Variants in MAP4K4 observed in about 807,000 individuals in gnomAD.
The protein encoded by MAP4K4 is HPK/GCK-like kinase HGK.
MAP4K4 carries 38 observed loss-of-function variants against 189.6 expected under a neutral mutation model. The observed-to-expected ratio is 0.20, with a 90% CI of 0.15 to 0.26. The LOEUF (loss-of-function observed/expected upper bound fraction) is 0.26, where lower values mean the gene tolerates loss of function less well. Ranked by LOEUF, MAP4K4 falls within the 10% of genes least tolerant of loss-of-function variation. The pLI, the probability that MAP4K4 is intolerant of heterozygous loss-of-function variation, is 1.00. For missense variants in MAP4K4, 1,054 were observed against 1,726.9 expected (o/e 0.61, Z 6.91); for synonymous variants, 610 against 624.3 (o/e 0.98, Z 0.34).
chr2:101,848,372 CTATT>C (rs2097175949), intron 12 of MAP4K4, among the ~76,000 whole-genome samples: 1 of 152,040 alleles, frequency 6.6e-6, no homozygotes, highest in African/African-American at 2.4e-5. Flanking sequence ...CAGAGGCTGA[CTATT>C]TGAGCCATAA....
intron 2 of MAP4K4, among the ~76,000 whole-genome samples, chr2:101,699,011 C>T (rs1277983465): frequency 6.6e-6 from 1 of 152,082 alleles, no homozygotes; most frequent in African/African-American, 2.4e-5. Context: ...TTTGGCGTTA[C>T]CTGGGAATAC....
At chr2:101,860,708 G>A (rs780419178) in intron 15 of MAP4K4, 117 bp from the exon 16 acceptor site, 32 of 819,702 alleles carry the variant, frequency 3.9e-5, no homozygotes, top group Non-Finnish European at 5.4e-5. Context: ...TCTCTTTTCT[G>A]GTAGCAGAAG....
intron 9 of MAP4K4, among the ~76,000 whole-genome samples, chr2:101,837,533 C>T (rs1459650707): frequency 6.6e-6 from 1 of 152,194 alleles, no homozygotes; most frequent in Non-Finnish European, 1.5e-5. Context: ...ATTTTAACCC[C>T]AGTCAGTCTT....
intron 2 of MAP4K4, among the ~76,000 whole-genome samples, chr2:101,778,914 G>A (rs2085786791): frequency 6.6e-6 from 1 of 152,090 alleles, no homozygotes; most frequent in Non-Finnish European, 1.5e-5. Flanking sequence ...ACCTGAGTCG[G>A]AATTCCACCT....
intron 2 of MAP4K4, among the ~76,000 whole-genome samples, chr2:101,711,182 T>A (rs1216467299): frequency 6.6e-6 from 1 of 152,236 alleles, no homozygotes; most frequent in Non-Finnish European, 1.5e-5. Context: ...CCCCACGACG[T>A]TAGGGCTGAA....
chr2:101,885,472 C>G (rs1324305481), intron 29 of MAP4K4, among the ~76,000 whole-genome samples, 185 bp downstream of exon 29: 2 of 152,082 alleles, frequency 1.3e-5, no homozygotes, highest in African/African-American at 2.4e-5. Context: ...CTTTCTAAGC[C>G]CACAGTGAGA....
chr2:101,877,181 A>G, intron 27 of MAP4K4, 35 bp downstream of exon 27: 1 of 1,608,820 alleles, frequency 6.2e-7, no homozygotes, highest in Non-Finnish European at 8.5e-7. Flanking sequence ...AATATGTGAC[A>G]CCATCTTAAC....
chr2:101,869,865 AGTT>A, intron 22 of MAP4K4, 68 bp downstream of exon 22: 2 of 1,460,372 alleles, frequency 1.4e-6, no homozygotes, highest in Non-Finnish European at 1.8e-6. Context: ...ACTGGGACCT[AGTT>A]GTTCCTAGAC....
chr2:101,863,423 C>T (rs530023799), intron 16 of MAP4K4, among the ~76,000 whole-genome samples: 5 of 152,176 alleles, frequency 3.3e-5, no homozygotes, highest in South Asian at 4.1e-4. Flanking sequence ...TTTGGCAGTG[C>T]GCTTTATCTT....
chr2:101,805,415 C>T (rs1408294998), intron 3 of MAP4K4, among the ~76,000 whole-genome samples: 3 of 152,190 alleles, frequency 2.0e-5, no homozygotes, highest in Non-Finnish European at 4.4e-5. Flanking sequence ...GTGAGGTCCA[C>T]CCATATGGCT....
chr2:101,722,538 G>A (rs563361598), intron 2 of MAP4K4, among the ~76,000 whole-genome samples: 38 of 152,136 alleles, frequency 2.5e-4, no homozygotes, highest in South Asian at 2.1e-3. Flanking sequence ...TCTTTCCCTC[G>A]TTCTCCCATC....
intron 2 of MAP4K4, among the ~76,000 whole-genome samples, chr2:101,746,751 A>T (rs777196776): frequency 1.3e-5 from 2 of 152,104 alleles, no homozygotes; most frequent in Non-Finnish European, 2.9e-5. Flanking sequence ...TTTAGGCCAA[A>T]TGTGGAGCTG....
At chr2:101,799,475 T>C (rs2094149642) in intron 3 of MAP4K4, among the ~76,000 whole-genome samples, 1 of 152,182 alleles carries the variant, frequency 6.6e-6, no homozygotes, top group South Asian at 2.1e-4. Context: ...TCTTTCTTCC[T>C]TGCAGGCTCC....
chr2:101,729,294 G>T (rs1322345977), intron 2 of MAP4K4, among the ~76,000 whole-genome samples: 7 of 152,036 alleles, frequency 4.6e-5, no homozygotes, highest in Non-Finnish European at 1.0e-4. Context: ...TGACAGAGTG[G>T]ACAGTGCTCC....
chr2:101,748,830 T>G (rs2149908576), intron 2 of MAP4K4, among the ~76,000 whole-genome samples: 1 of 148,970 alleles, frequency 6.7e-6, no homozygotes, highest in East Asian at 2.0e-4. Flanking sequence ...ACAAAATCAA[T>G]GTACAAAAAT....
intron 2 of MAP4K4, among the ~76,000 whole-genome samples, chr2:101,751,542 A>G (rs2068970430): frequency 6.6e-6 from 1 of 152,256 alleles, no homozygotes; most frequent in Non-Finnish European, 1.5e-5. Context: ...ATTATTGGGT[A>G]CATACTGAAT....
chr2:101,831,850 G>A, exon 7 of MAP4K4: 1 of 1,613,036 alleles, frequency 6.2e-7, no homozygotes, highest in Non-Finnish European at 8.5e-7. Flanking sequence ...TATGATTACA[G>A]AGTAAGAGGC....
In MAP4K4 at chr2:101,760,488, A is replaced by C. The variant is rs2075773207; in HGVS notation, c.124-30232A>C. Among the ~76,000 whole-genome samples, 3 of 123,816 alleles carry C rather than the reference A, an allele frequency of 2.4e-5. No individual in the cohort carries two copies. The South Asian group carries it at 7.7e-4, about 32-fold the overall frequency. 81.2% of individuals were successfully genotyped at this position (123,816 alleles called of 152,430 possible). On this transcript the variant is annotated intron_variant, in intron 2 of 32. Coordinates refer to ENST00000324219, the Ensembl canonical transcript of MAP4K4. ...TGGCAACACAGCAAGACTCCATCTC[A>C]AAAAAAAAAAACAAAATATATATAT...
chr2:101,891,415 AC>A lies in MAP4K4; in HGVS notation c.*168del, dbSNP rs2098565773. On this transcript the variant is annotated 3_prime_UTR_variant, in exon 33 of 33. Transcript: ENST00000324219. ...CCCCTCCTTCCTGTTCCTCTTATAT[AC>A]CAGTTTATCCCCATTCTTTTTTTTT... 3 of 586,882 alleles carry A rather than the reference AC, an allele frequency of 5.1e-6. No homozygotes were observed. In the Admixed American group the frequency reaches 9.0e-5, roughly 18 times the overall value. 36.4% of individuals were successfully genotyped at this position (586,882 alleles called of 1,614,324 possible). A position where few individuals can be genotyped will look rare whatever the true frequency, so the allele number is the denominator to read the frequency against.
Sources: gnomAD v4.1 joint callset for allele counts (sites outside exome capture counted in the v4.1 genomes callset) on GRCh38, gnomAD v4.1.1 for gene constraint, MANE v1.5 for transcripts, NCBI Gene and HGNC (gene_info 2026-07-23, HGNC 2026-07-21) for gene names.